Variants in ATP7A observed in about 807,000 individuals in gnomAD.
ATP7A encodes the protein copper-transporting ATPase 1.
A neutral mutation model predicts 83.5 loss-of-function variants in ATP7A; 7 were observed. That is an observed-to-expected ratio of 0.08 (90% CI 0.05 to 0.16). The LOEUF (loss-of-function observed/expected upper bound fraction) is 0.16, where lower values mean the gene tolerates loss of function less well. ATP7A is among the 10% of genes least tolerant of loss of function. The pLI is 1.00. For missense variants in ATP7A, 940 were observed against 1,120.8 expected, an observed-to-expected ratio of 0.84 and a Z score of 2.30; for synonymous variants, 354 against 395.2, an observed-to-expected ratio of 0.90 and a Z score of 1.24.
chrX:77,916,034 C>T (rs1557222484), intron 1 of ATP7A, among the ~76,000 whole-genome samples: 1 of 111,477 alleles, frequency 9.0e-6, no homozygotes, highest in African/African-American at 3.2e-5. Context: ...CCACCACGCC[C>T]GGCACAATAC....
chrX:77,939,864 ATT>A (rs782267186), intron 1 of ATP7A, among the ~76,000 whole-genome samples: 3 of 107,045 alleles, frequency 2.8e-5, no homozygotes, highest in African/African-American at 6.7e-5. Context: ...ATTCCTTAGT[ATT>A]TTTTTTTGTT....
intron 4 of ATP7A, among the ~76,000 whole-genome samples, chrX:77,991,165 A>G (rs2077667168): frequency 9.0e-6 from 1 of 111,686 alleles, no homozygotes. Context: ...ATATAATTTT[A>G]GAACTTTTTA....
At chrX:77,927,144 C>T (rs782651572) in intron 1 of ATP7A, among the ~76,000 whole-genome samples, 1 of 112,309 alleles carries the variant, frequency 8.9e-6, no homozygotes, top group South Asian at 3.6e-4. Flanking sequence ...CATAATGGGA[C>T]TTCAATAAAT....
At position 78,049,725 on chromosome X, in the gene ATP7A, T is replaced by C. The variant is rs1327206690; in HGVS notation, c.*3155T>C. Reference sequence around the variant, plus strand: ...ATTCATATGTATAGAATGCTTAAAATAGCACTGTAGACAAGATGTTTCCAA... The same window carrying C: ...ATTCATATGTATAGAATGCTTAAAACAGCACTGTAGACAAGATGTTTCCAA... On this transcript the variant is annotated 3_prime_UTR_variant, in exon 23 of 23. Transcript: ENST00000341514. 8.9e-6 allele frequency: 1 copy of C among 112,792 alleles called. No homozygotes were observed. Among genetic ancestry groups the C allele is most frequent in the Non-Finnish European group, 1.9e-5 (1 of 53,243 alleles). The allele number at this position is 112,792 out of a possible 1,213,427, so 9.3% of individuals were successfully genotyped here. A position where few individuals can be genotyped will look rare whatever the true frequency, so the allele number is the denominator to read the frequency against.
chrX:77,957,393 T>C (rs1557227527), intron 1 of ATP7A, among the ~76,000 whole-genome samples: 1 of 109,175 alleles, frequency 9.2e-6, no homozygotes, highest in East Asian at 3.0e-4. Flanking sequence ...GAGAAAATAT[T>C]TACAAACTAT....
intron 17 of ATP7A, among the ~76,000 whole-genome samples, chrX:78,034,537 G>A (rs2078001225): frequency 9.0e-6 from 1 of 110,726 alleles, no homozygotes; most frequent in Non-Finnish European, 1.9e-5. Context: ...TTGCAGTCTG[G>A]CTTCTCCCCC....
intron 1 of ATP7A, among the ~76,000 whole-genome samples, chrX:77,944,697 A>C (rs1365141748): frequency 9.1e-6 from 1 of 109,627 alleles, no homozygotes; most frequent in African/African-American, 3.3e-5. Flanking sequence ...CCCGGCCCCA[A>C]GTGGCTCTTT....
intron 5 of ATP7A, among the ~76,000 whole-genome samples, chrX:78,000,509 T>G (rs1455622083): frequency 2.8e-5 from 3 of 108,918 alleles, no homozygotes; most frequent in Non-Finnish European, 5.7e-5. Flanking sequence ...AGAAATAACT[T>G]TAGCCTAGCT....
chrX:78,005,784 A>C (rs2077771671), intron 6 of ATP7A, among the ~76,000 whole-genome samples: 1 of 110,404 alleles, frequency 9.1e-6, no homozygotes, highest in African/African-American at 3.3e-5. Context: ...ATAAAAGAAA[A>C]GATTAATAGA....
chrX:77,990,082 T>C, intron 4 of ATP7A, 124 bp downstream of exon 4: 1 of 897,040 alleles, frequency 1.1e-6, no homozygotes, highest in South Asian at 2.4e-5. Context: ...AAATATGTCC[T>C]ATGGAGGTAG....
intron 1 of ATP7A, among the ~76,000 whole-genome samples, chrX:77,955,322 C>A (rs1249744347): frequency 3.6e-5 from 4 of 111,287 alleles, no homozygotes; most frequent in African/African-American, 9.8e-5. Flanking sequence ...TTTTGTCTTG[C>A]ATATTTTAAA....
At chrX:78,031,378 T>C (rs1394801135) in intron 15 of ATP7A, 22 bp from the exon 16 acceptor site, 1 of 1,192,256 alleles carries the variant, frequency 8.4e-7, no homozygotes. Context: ...CATCAAGTCA[T>C]TGTATCTTAA....
chrX:77,929,595 G>A (rs782222475), intron 1 of ATP7A, among the ~76,000 whole-genome samples: 1 of 109,750 alleles, frequency 9.1e-6, no homozygotes, highest in South Asian at 3.9e-4. Context: ...TCTGGAGTAT[G>A]ATAGGAACGA....
chrX:77,953,323 G>A (rs1184988271), intron 1 of ATP7A, among the ~76,000 whole-genome samples: 1 of 111,535 alleles, frequency 9.0e-6, no homozygotes, highest in Non-Finnish European at 1.9e-5. Flanking sequence ...GGGGGTACAT[G>A]TGCTTGTTTG....
At chrX:77,956,767 C>CTTTCTT (rs2149063958) in intron 1 of ATP7A, among the ~76,000 whole-genome samples, 1 of 99,688 alleles carries the variant, frequency 1.0e-5, no homozygotes, top group African/African-American at 3.7e-5. Flanking sequence ...TTCTTTCTTT[C>CTTTCTT]TTTCTTTCTT....
intron 2 of ATP7A, chrX:77,976,007 C>T (rs1034208873): frequency 8.9e-6 from 1 of 111,737 alleles, no homozygotes; most frequent in Non-Finnish European, 1.9e-5. Context: ...ACAGTAATGG[C>T]GGGAAGTTAA....
intron 1 of ATP7A, among the ~76,000 whole-genome samples, chrX:77,917,417 T>G (rs1557222654): frequency 8.9e-6 from 1 of 111,792 alleles, no homozygotes; most frequent in Non-Finnish European, 1.9e-5. Flanking sequence ...TTTAGAATTT[T>G]ATAGTAAGTT....
intron 9 of ATP7A, among the ~76,000 whole-genome samples, chrX:78,012,147 A>G (rs782106544): frequency 9.0e-6 from 1 of 110,875 alleles, no homozygotes; most frequent in African/African-American, 3.3e-5. Context: ...CTGGCACTTC[A>G]GTTCATTACT....
chrX:77,914,548 C>T (rs782405353), intron 1 of ATP7A, among the ~76,000 whole-genome samples: 70 of 110,957 alleles, frequency 6.3e-4, no homozygotes, highest in African/African-American at 2.1e-3. Flanking sequence ...TACAGGTGCG[C>T]GCCACCACAC....
Sources: gnomAD v4.1 joint callset for allele counts (sites outside exome capture counted in the v4.1 genomes callset) on GRCh38, gnomAD v4.1.1 for gene constraint, MANE v1.5 for transcripts, NCBI Gene and HGNC (gene_info 2026-07-23, HGNC 2026-07-21) for gene names.